CD46: variants seen among roughly 807,000 people sequenced by gnomAD.
CD46 encodes CD46 molecule, also known as membrane cofactor protein.
Under a neutral mutation model 53.3 loss-of-function variants are expected in CD46, and 30 were observed. The observed-to-expected ratio is 0.56, with a 90% CI of 0.42 to 0.76. CD46 has a LOEUF of 0.76. Ranked by LOEUF, CD46 falls within the 30% of genes least tolerant of loss-of-function variation. The pLI, the probability that CD46 is intolerant of heterozygous loss-of-function variation, is 0.00. For synonymous variants in CD46, 142 were observed against 152.0 expected, an observed-to-expected ratio of 0.93 and a Z score of 0.48; for missense variants, 409 against 463.0, an observed-to-expected ratio of 0.88 and a Z score of 1.07.
rs1197100925 is a variant in CD46, at chr1:207,761,419, T to G, written c.646T>G (p.Trp216Gly). Residue 216 changes from tryptophan to glycine, a missense_variant, in exon 5 of 13, where the codon TGG (tryptophan) becomes GGG (glycine). Physicochemically the swap from Trp to Gly is radical, Grantham distance 184. Coordinates refer to ENST00000367042, the MANE Select transcript of CD46 (RefSeq NM_172351.3). ...GATTTATTGTGGTGACAATTCAGTG[T>G]GGAGTCGTGCTGCTCCAGAGTGTAA... is the stretch of plus-strand genomic sequence containing the variant. ...STIYCGDNSV[W>G]SRAAPECKVV... The G allele has an allele frequency of 1.2e-6, 2 of 1,614,088 alleles. No homozygotes were observed. The highest frequency in any genetic ancestry group is 2.2e-5 in the South Asian group (2 of 91,086).
intron 12 of CD46, 39 bp from the exon 13 acceptor site, chr1:207,793,480 T>C (rs2102725427): frequency 1.4e-6 from 2 of 1,466,026 alleles, no homozygotes; most frequent in Non-Finnish European, 9.6e-7. Context: ...TACTTAATTA[T>C]ATTTATCTTT....
Position 207,752,379 on chromosome 1 carries a change from G to A in CD46, c.97+70G>A. 1 of 1,431,790 alleles carries A rather than the reference G, an allele frequency of 7.0e-7. No homozygotes were observed. The highest frequency in any genetic ancestry group is 2.3e-5 in the East Asian group (1 of 44,062). 88.7% of individuals were successfully genotyped at this position (1,431,790 alleles called of 1,614,324 possible). A position where few individuals can be genotyped will look rare whatever the true frequency, so the allele number is the denominator to read the frequency against. The stretch of plus-strand genomic sequence containing the variant: ...CTCTCCTCAGTCGGGCAAGAGTCGC[G>A]GGGCGGGGCTCACAGCAGGCCGTGC... On this transcript the variant is annotated intron_variant, in intron 1 of 12. Coordinates refer to ENST00000367042, the MANE Select transcript of CD46 (RefSeq NM_172351.3). This position sits in a 1 kb window ranked among gnomAD's most constrained non-coding sequence, Gnocchi z 4.1.
chr1:207,768,210 TTAAA>T (rs1657078025), intron 7 of CD46: 1 of 193,408 alleles, frequency 5.2e-6, no homozygotes, highest in African/African-American at 2.4e-5. Flanking sequence ...TATCCTACAC[TTAAA>T]TTAATGTTAG....
intron 5 of CD46, among the ~76,000 whole-genome samples, chr1:207,766,099 G>A (rs905256630): frequency 1.3e-5 from 2 of 152,196 alleles, no homozygotes; most frequent in Non-Finnish European, 2.9e-5. Flanking sequence ...CCACTATAGG[G>A]ATAAAAGCAG....
rs1164225158 is a variant in CD46, at chr1:207,793,859, C to T, written c.*382C>T. 1 of 401,518 alleles carries T rather than the reference C, an allele frequency of 2.5e-6. No individual in the cohort carries two copies. The highest frequency in any genetic ancestry group is 4.5e-6 in the Non-Finnish European group (1 of 221,142). 24.9% of individuals were successfully genotyped at this position (401,518 alleles called of 1,614,324 possible). ...CTGGTTGTATTAAAGCAGGGATATG[C>T]TGTATTTTATAAAATTGGCAAAATT... On this transcript the variant is annotated 3_prime_UTR_variant, in exon 13 of 13. Coordinates refer to ENST00000367042, the MANE Select transcript of CD46 (RefSeq NM_172351.3).
Position 207,759,633 on chromosome 1 carries a change from A to C in CD46, c.390-6A>C. 6.8e-7 allele frequency: 1 copy of C among 1,460,914 alleles called. No homozygotes were observed. The highest frequency in any genetic ancestry group is 9.6e-7 in the Non-Finnish European group (1 of 1,042,120). The allele number at this position is 1,460,914 out of a possible 1,614,324, so 90.5% of individuals were successfully genotyped here. A position where few individuals can be genotyped will look rare whatever the true frequency, so the allele number is the denominator to read the frequency against. On this transcript the variant is annotated splice_region_variant and splice_polypyrimidine_tract_variant and intron_variant, in intron 3 of 12. Coordinates refer to ENST00000367042, the MANE Select transcript of CD46 (RefSeq NM_172351.3). ...CAAAACAGTAACCCTTTCTTTTCTC[A>C]TTTAGTTATTACTTAATTGGTGAAG... is the stretch of plus-strand genomic sequence containing the variant.
chr1:207,758,311 C>T (rs1400828533), intron 3 of CD46, among the ~76,000 whole-genome samples: 1 of 152,132 alleles, frequency 6.6e-6, no homozygotes, highest in Non-Finnish European at 1.5e-5. Flanking sequence ...ATGTATTTGG[C>T]TCATATTTCT....
At chr1:207,762,097 A>G (rs1656282844) in intron 5 of CD46, among the ~76,000 whole-genome samples, 1 of 152,256 alleles carries the variant, frequency 6.6e-6, no homozygotes, top group African/African-American at 2.4e-5. Flanking sequence ...CAATAGAATG[A>G]AAGCAGAAAT....
chr1:207,769,314 G>A (rs1657207737), intron 7 of CD46: 1 of 152,198 alleles, frequency 6.6e-6, no homozygotes, highest in African/African-American at 2.4e-5. Flanking sequence ...AGCCTCCTGA[G>A]TTGAGTGCTG....
intron 7 of CD46, chr1:207,769,514 G>C (rs1397320989): frequency 1.3e-5 from 2 of 152,176 alleles, no homozygotes; most frequent in African/African-American, 4.8e-5. Flanking sequence ...ATTTCATAAA[G>C]TATTTATAAA....
chr1:207,774,583 G>A (rs1017637654), intron 8 of CD46, among the ~76,000 whole-genome samples: 8 of 152,150 alleles, frequency 5.3e-5, no homozygotes, highest in African/African-American at 1.9e-4. Flanking sequence ...GCCTGGTGGC[G>A]ACAAAATCTG....
At chr1:207,792,648 C>T (rs1214766032) in intron 12 of CD46, among the ~76,000 whole-genome samples, 2 of 152,184 alleles carry the variant, frequency 1.3e-5, no homozygotes, top group Non-Finnish European at 2.9e-5. Flanking sequence ...TGCTGTGGCA[C>T]ACATACTAGT....
chr1:207,791,481 G>T (rs1444489976), intron 12 of CD46, among the ~76,000 whole-genome samples: 1 of 152,226 alleles, frequency 6.6e-6, no homozygotes, highest in Non-Finnish European at 1.5e-5. Flanking sequence ...CAGCTATTGA[G>T]TAACAGGCAC....
intron 4 of CD46, 122 bp downstream of exon 4, chr1:207,759,846 A>G (rs1279516553): frequency 1.6e-6 from 1 of 635,794 alleles, no homozygotes; most frequent in Non-Finnish European, 2.8e-6. Flanking sequence ...TGTGGGTTAT[A>G]TCTATTGGTA....
intron 8 of CD46, among the ~76,000 whole-genome samples, chr1:207,777,734 T>C (rs1375265824): frequency 1.3e-5 from 2 of 152,190 alleles, no homozygotes; most frequent in Non-Finnish European, 2.9e-5. Context: ...TTGTGAGCAG[T>C]GCTGCAGTGA....
At position 207,770,342 on chromosome 1, in the gene CD46, C is replaced by T. The variant is rs144336756; in HGVS notation, c.923C>T (p.Pro308Leu). The change falls in exon 8 of 13, where the codon CCT becomes CTT. Residue 308 changes from proline to leucine, a missense_variant. By Grantham distance (98) the Pro-to-Leu change is moderately conservative. Transcript: ENST00000367042. ...SASGPRPTYK[P>L]PVSNYPGYPK... Reference sequence around the variant, plus strand: ...CTAGGTCCTAGGCCTACTTACAAGCCTCCAGTCTCAAATTATCCAGGTTGG... The same window carrying T: ...CTAGGTCCTAGGCCTACTTACAAGCTTCCAGTCTCAAATTATCCAGGTTGG... 21 of 1,605,388 alleles carry T rather than the reference C, an allele frequency of 1.3e-5. No individual in the cohort carries two copies. Among genetic ancestry groups the T allele is most frequent in the Non-Finnish European group, 1.8e-5 (21 of 1,172,538 alleles).
intron 12 of CD46, among the ~76,000 whole-genome samples, chr1:207,793,257 G>C (rs1020418880): frequency 1.3e-5 from 2 of 152,180 alleles, no homozygotes; most frequent in Admixed American, 6.5e-5. Context: ...TGAGGACATA[G>C]TTACTAAGTA....
chr1:207,791,004 G>A (rs1416581352), intron 12 of CD46, among the ~76,000 whole-genome samples: 8 of 152,174 alleles, frequency 5.3e-5, no homozygotes, highest in African/African-American at 1.7e-4. Flanking sequence ...CTCTTATAAT[G>A]TGAGGCCCTA....
chr1:207,783,954 A>T (rs756766907), intron 9 of CD46, among the ~76,000 whole-genome samples: 1 of 152,232 alleles, frequency 6.6e-6, no homozygotes, highest in Non-Finnish European at 1.5e-5. Flanking sequence ...CAATTTAATA[A>T]AAGTAATGGC....
Sources: gnomAD v4.1 joint callset for allele counts (sites outside exome capture counted in the v4.1 genomes callset) on GRCh38, gnomAD v4.1.1 for gene constraint, Gnocchi (gnomAD v3.1) non-coding constraint, MANE v1.5 for transcripts, NCBI Gene and HGNC (gene_info 2026-07-23, HGNC 2026-07-21) for gene names.